The following ATRNL1 variants were observed in gnomAD, a reference collection of about 807,000 sequenced individuals.
The protein encoded by ATRNL1 is attractin-like protein 1.
ATRNL1 carries 95 observed loss-of-function variants against 182.7 expected under a neutral mutation model. That is an observed-to-expected ratio of 0.52 (90% confidence interval 0.44 to 0.62). The LOEUF (loss-of-function observed/expected upper bound fraction) is 0.62, where lower values mean the gene tolerates loss of function less well. Among genes scored for constraint, ATRNL1 ranks in the 20% least tolerant of loss-of-function variants. The pLI is 0.00. For synonymous variants in ATRNL1, 576 were observed against 568.3 expected, an observed-to-expected ratio of 1.01 and a Z score of -0.19; for missense variants, 1,471 against 1,679.5, an observed-to-expected ratio of 0.88 and a Z score of 2.17.
At chr10:115,127,764 A>G (rs782781233) in intron 4 of ATRNL1, 43 bp downstream of exon 4, 1 of 1,294,156 alleles carries the variant, frequency 7.7e-7, no homozygotes, top group Admixed American at 3.4e-5. Flanking sequence ...GATTCTTGTA[A>G]TTTAATGTAA....
intron 8 of ATRNL1, among the ~76,000 whole-genome samples, chr10:115,207,212 G>A (rs990551285): frequency 6.6e-6 from 1 of 152,132 alleles, no homozygotes; most frequent in African/African-American, 2.4e-5. Flanking sequence ...CCAGTAATGG[G>A]ATGGCTGGGT....
chr10:115,452,669 C>G (rs1481934189), intron 21 of ATRNL1, among the ~76,000 whole-genome samples: 2 of 152,028 alleles, frequency 1.3e-5, no homozygotes, highest in Non-Finnish European at 2.9e-5. Context: ...CATCCAACAC[C>G]TTAAGTTATT....
chr10:115,885,498 T>A (rs1415187096), intron 28 of ATRNL1, among the ~76,000 whole-genome samples: 1 of 152,248 alleles, frequency 6.6e-6, no homozygotes, highest in Non-Finnish European at 1.5e-5. Context: ...TTTTGTCAGA[T>A]GCTTTGTGCA....
intron 1 of ATRNL1, among the ~76,000 whole-genome samples, chr10:115,106,843 T>G (rs561260230): frequency 6.6e-6 from 1 of 152,216 alleles, no homozygotes; most frequent in South Asian, 2.1e-4. Flanking sequence ...AGTGTGAAAA[T>G]GGACTAATAC....
Position 115,266,974 on chromosome 10 carries a change from T to C in ATRNL1, c.1950T>C (p.Asn650=), listed in dbSNP as rs782621551. 1 of 1,611,408 alleles carries C rather than the reference T, an allele frequency of 6.2e-7. No homozygotes were observed. Among genetic ancestry groups the C allele is most frequent in the Non-Finnish European group, 8.5e-7 (1 of 1,178,446 alleles). The part of the protein sequence containing the change: ...CESWESGNTN[N]ILRAKCPPKT... ...CTTGGGAATCTGGGAATACTAATAA[T>C]ATTCTTAGAGCAAAGTGCCCTCCTA... is the stretch of plus-strand genomic sequence containing the variant. Residue 650 remains asparagine, a synonymous_variant, in exon 12 of 29, where the codon AAT becomes AAC. Coordinates refer to ENST00000355044, the MANE Select transcript of ATRNL1 (RefSeq NM_207303.4).
At chr10:115,502,299 A>G (rs959401673) in intron 24 of ATRNL1, among the ~76,000 whole-genome samples, 22 of 152,196 alleles carry the variant, frequency 1.4e-4, no homozygotes, top group Admixed American at 8.5e-4. Flanking sequence ...TAGGGACCCT[A>G]ATATCTTAAA....
intron 27 of ATRNL1, among the ~76,000 whole-genome samples, chr10:115,738,964 A>T (rs1467136074): frequency 6.6e-6 from 1 of 152,084 alleles, no homozygotes; most frequent in Non-Finnish European, 1.5e-5. Flanking sequence ...AAATATATAT[A>T]TTTATAATTA....
At chr10:115,447,737 A>G (rs985687007) in intron 21 of ATRNL1, among the ~76,000 whole-genome samples, 1 of 151,894 alleles carries the variant, frequency 6.6e-6, no homozygotes. Flanking sequence ...CTGGAATTAA[A>G]ATCCTTACAC....
At chr10:115,695,416 T>C (rs1946526737) in intron 26 of ATRNL1, among the ~76,000 whole-genome samples, 1 of 152,208 alleles carries the variant, frequency 6.6e-6, no homozygotes, top group African/African-American at 2.4e-5. Context: ...ATTCTTTTTT[T>C]TGAAAGATGG....
chr10:115,779,833 A>G (rs2134185976), intron 27 of ATRNL1, among the ~76,000 whole-genome samples: 1 of 152,346 alleles, frequency 6.6e-6, no homozygotes, highest in East Asian at 1.9e-4. Context: ...AATGTAGTCT[A>G]TAAAACTAGT....
intron 28 of ATRNL1, among the ~76,000 whole-genome samples, chr10:115,857,263 G>A (rs534324122): frequency 6.6e-6 from 1 of 152,236 alleles, no homozygotes; most frequent in African/African-American, 2.4e-5. Flanking sequence ...TAGTAGTTAA[G>A]TTCTGGAGGA....
rs952338670 is a variant in ATRNL1 at position 115,267,141 on chromosome 10, A to T, written c.1981+136A>T. 1.3e-5 allele frequency: 8 copies of T among 596,612 alleles called. No homozygotes were observed. The African/African-American group carries it at 1.5e-4, about 11-fold the overall frequency. The allele number at this position is 596,612 out of a possible 1,614,324, so 37.0% of individuals were successfully genotyped here. On this transcript the variant is annotated intron_variant, in intron 12 of 28. Coordinates refer to ENST00000355044, the MANE Select transcript of ATRNL1 (RefSeq NM_207303.4). ...TGTATTACCCTAATTAGGAATTCTA[A>T]TGTTTGAACCTAGTGATTAATAATT...
intron 27 of ATRNL1, among the ~76,000 whole-genome samples, chr10:115,804,754 G>A (rs1949880355): frequency 6.6e-6 from 1 of 152,070 alleles, no homozygotes; most frequent in Admixed American, 6.6e-5. Context: ...AGTGGAGGTA[G>A]GTTTCCTCTC....
chr10:115,353,480 T>C (rs150035548), intron 19 of ATRNL1, among the ~76,000 whole-genome samples: 2 of 152,284 alleles, frequency 1.3e-5, no homozygotes, highest in African/African-American at 2.4e-5. Context: ...AAATTTCTTA[T>C]GGGCAGCATA....
chr10:115,768,589 A>C (rs1948915271), intron 27 of ATRNL1, among the ~76,000 whole-genome samples: 1 of 152,124 alleles, frequency 6.6e-6, no homozygotes, highest in East Asian at 1.9e-4. Context: ...GCACCATTAC[A>C]GTTTTTCCTT....
At chr10:115,287,009 T>C (rs1198081607) in intron 15 of ATRNL1, among the ~76,000 whole-genome samples, 1 of 151,936 alleles carries the variant, frequency 6.6e-6, no homozygotes, top group African/African-American at 2.4e-5. Context: ...GGTATGATAT[T>C]TATGGATGTT....
intron 28 of ATRNL1, among the ~76,000 whole-genome samples, chr10:115,939,464 G>T (rs1555123679): frequency 6.6e-6 from 1 of 152,112 alleles, no homozygotes; most frequent in African/African-American, 2.4e-5. Context: ...AGTACAAAAA[G>T]GTAAAGCTTA....
chr10:115,361,300 CCTGTCTAT>C (rs1554944142), intron 19 of ATRNL1, among the ~76,000 whole-genome samples: 1 of 151,616 alleles, frequency 6.6e-6, no homozygotes, highest in African/African-American at 2.4e-5. Context: ...CTTTTGTCTA[CCTGTCTAT>C]GTATGTATGT....
Position 115,185,619 on chromosome 10 carries a change from T to A in ATRNL1, c.1348+14327T>A, listed in dbSNP as rs950087649. Among the ~76,000 whole-genome samples, 7 of 151,996 alleles carry A rather than the reference T, an allele frequency of 4.6e-5. No individual in the cohort carries two copies. The East Asian group carries it at 1.4e-3, about 29-fold the overall frequency. ...GACTGTCATAGCTGGAGTTGAAAAA[T>A]CATTTTGCAAAAGTCATAGTAAAAG... is the stretch of plus-strand genomic sequence containing the variant. On this transcript the variant is annotated intron_variant, in intron 8 of 28. Transcript: ENST00000355044.
Sources: allele counts gnomAD v4.1 joint callset (sites outside exome capture counted in the v4.1 genomes callset), GRCh38; gene constraint gnomAD v4.1.1; transcripts MANE v1.5; gene names NCBI Gene and HGNC (gene_info 2026-07-23, HGNC 2026-07-21).